VWF: variants seen among roughly 807,000 people sequenced by gnomAD.
VWF encodes Factor VIII related antigen.
Under a neutral mutation model 308.6 loss-of-function variants are expected in VWF, and 176 were observed. That is an observed-to-expected ratio of 0.57 (90% CI 0.50 to 0.65). The LOEUF (loss-of-function observed/expected upper bound fraction) is 0.65. VWF is among the 30% of genes least tolerant of loss of function. The pLI, the probability that VWF is intolerant of heterozygous loss-of-function variation, is 0.00. For missense variants in VWF, 3,146 were observed against 3,648.2 expected, an observed-to-expected ratio of 0.86 and a Z score of 3.55; for synonymous variants, 1,385 against 1,443.4, an observed-to-expected ratio of 0.96 and a Z score of 0.92.
rs61750615 is a variant in VWF at position 5,994,484 on chromosome 12, G to T, written c.6187C>A (p.Pro2063Thr). The change falls in exon 36 of 52, where the codon CCA becomes ACA. Residue 2063 changes from proline to threonine, a missense_variant. This residue lies in a region of VWF where 989 missense variants were observed against 1,117.4 expected (regional missense o/e 0.89). Coordinates refer to ENST00000261405, the MANE Select transcript of VWF (RefSeq NM_000552.5). ...TGCAGTTGGAACTCATTGTTTTGTG[G>T]AGTGAATGTGAAGATGTGACCAAGG... ...NHLGHIFTFT[P>T]QNNEFQLQLS... 6.2e-7 allele frequency: 1 copy of T among 1,614,026 alleles called. No individual in the cohort carries two copies. Among genetic ancestry groups the T allele is most frequent in the African/African-American group, 1.3e-5 (1 of 74,924 alleles).
In VWF at chr12:6,019,086, A is replaced by T; in HGVS notation, c.4332T>A (p.Asp1444Glu). Residue 1444 changes from aspartate (D) to glutamate (E), a missense_variant, in exon 28 of 52, where the codon GAT (aspartate) becomes GAA (glutamate). Physicochemically the swap from Asp to Glu is conservative, Grantham distance 45. Transcript: ENST00000261405. This position sits in a 1 kb window ranked among gnomAD's most constrained non-coding sequence, Gnocchi z 5.8. ...TCTCGTCCCTTTGCTGCTCCAGCTC[A>T]TCCACACTGCTCAGCACGAAGGCCT... ...ENKAFVLSSV[D>E]ELEQQRDEIV... The T allele has an allele frequency of 6.2e-7, 1 of 1,613,836 alleles. No individual in the cohort carries two copies. Among genetic ancestry groups the T allele is most frequent in the African/African-American group, 1.3e-5 (1 of 75,012 alleles).
Position 6,027,883 on chromosome 12 carries a change from C to CACACAA in VWF, c.2967+1458_2967+1459insTTGTGT, listed in dbSNP as rs71064184. ...ACACACACACACACACACACACACA[C>CACACAA]CCCTAAACAAAAAAACTTTTTTCCC... On this transcript the variant is annotated intron_variant, in intron 22 of 51. Transcript: ENST00000261405. Among the ~76,000 whole-genome samples the CACACAA allele has an allele frequency of 8.1e-5, 12 of 148,120 alleles. No individual in the cohort carries two copies. The South Asian group carries it at 2.6e-3, about 32-fold the overall frequency.
intron 34 of VWF, among the ~76,000 whole-genome samples, chr12:6,011,336 G>C (rs1045746927): frequency 6.6e-6 from 1 of 152,226 alleles, no homozygotes; most frequent in African/African-American, 2.4e-5. Flanking sequence ...CAGCCAAGCT[G>C]AGCATTGACC....
chr12:6,082,963 T>C (rs1944930067), intron 6 of VWF, among the ~76,000 whole-genome samples: 1 of 152,210 alleles, frequency 6.6e-6, no homozygotes, highest in Non-Finnish European at 1.5e-5. Flanking sequence ...GGTCATACAG[T>C]GGCTGTAGCT....
chr12:6,060,355 A>C lies in VWF; in HGVS notation c.1534-2311T>G, dbSNP rs1472198041. On this transcript the variant is annotated intron_variant, in intron 13 of 51. Coordinates refer to ENST00000261405, the MANE Select transcript of VWF (RefSeq NM_000552.5). The surrounding 1 kb of genome is among the most constrained non-coding windows in gnomAD (Gnocchi z 5.1). ...CCAGCCCCACGGGGACAAAGCGTAC[A>C]TAACACACCCAGGGGAAGGAGACCG... is the stretch of plus-strand genomic sequence containing the variant. Among the ~76,000 whole-genome samples the C allele has an allele frequency of 6.6e-6, 1 of 152,032 alleles. No individual in the cohort carries two copies. Among genetic ancestry groups the C allele is most frequent in the Non-Finnish European group, 1.5e-5 (1 of 67,996 alleles).
chr12:6,077,266 GA>G (rs1944854999), intron 6 of VWF, among the ~76,000 whole-genome samples: 1 of 152,214 alleles, frequency 6.6e-6, no homozygotes, highest in South Asian at 2.1e-4. Flanking sequence ...AGTGAGCTGA[GA>G]TTGTGCCACT....
chr12:6,027,897 A>T (rs1944214220), intron 22 of VWF, among the ~76,000 whole-genome samples: 1 of 151,182 alleles, frequency 6.6e-6, no homozygotes, highest in Admixed American at 6.6e-5. Flanking sequence ...TAAACAAAAA[A>T]ACTTTTTTCC....
chr12:5,964,837 A>C (rs1212604400), intron 47 of VWF, among the ~76,000 whole-genome samples: 1 of 152,194 alleles, frequency 6.6e-6, no homozygotes, highest in Non-Finnish European at 1.5e-5. Flanking sequence ...GCGAGAAGAA[A>C]GATTTGGAAG....
chr12:6,120,944 G>T (rs982766807), intron 3 of VWF, among the ~76,000 whole-genome samples: 1 of 152,188 alleles, frequency 6.6e-6, no homozygotes, highest in African/African-American at 2.4e-5. Context: ...GGACACAGTG[G>T]ACTACCAAAG....
intron 31 of VWF, among the ~76,000 whole-genome samples, chr12:6,014,484 G>T (rs540978864): frequency 6.6e-6 from 1 of 152,316 alleles, no homozygotes; most frequent in South Asian, 2.1e-4. Flanking sequence ...GACATGGTGT[G>T]GGGAGGTGTG....
chr12:6,043,323 C>T (rs917913531), intron 18 of VWF, among the ~76,000 whole-genome samples: 2 of 152,176 alleles, frequency 1.3e-5, no homozygotes, highest in Admixed American at 6.5e-5. Context: ...ATTCCCTCTA[C>T]AGAATATTGA....
chr12:5,993,077 C>A (rs1943763280), intron 37 of VWF, among the ~76,000 whole-genome samples: 1 of 152,162 alleles, frequency 6.6e-6, no homozygotes. Context: ...GACTAGGATG[C>A]CCAAGTCCTC....
intron 15 of VWF, among the ~76,000 whole-genome samples, chr12:6,056,341 T>C (rs1206622137): frequency 1.6e-5 from 2 of 121,712 alleles, no homozygotes; most frequent in South Asian, 2.5e-4. Flanking sequence ...AGTGAGAATC[T>C]AAAGCCAACT....
At position 6,046,598 on chromosome 12, in the gene VWF, A is replaced by G; in HGVS notation, c.2281+125T>C. The G allele has an allele frequency of 1.0e-6, 1 of 976,178 alleles. No homozygotes were observed. Among genetic ancestry groups the G allele is most frequent in the South Asian group, 1.3e-5 (1 of 74,384 alleles). The allele number at this position is 976,178 out of a possible 1,614,324, so 60.5% of individuals were successfully genotyped here. On this transcript the variant is annotated intron_variant, in intron 17 of 51. Transcript: ENST00000261405. This position sits in a 1 kb window ranked among gnomAD's most constrained non-coding sequence, Gnocchi z 5.0. ...CAGAAATGAAGGCGATCCTGGGCGA[A>G]GCCAGACCCATGCCTGGGTGCACAC...
At chr12:5,976,390 G>C in intron 42 of VWF, 130 bp from the exon 43 acceptor site, 1 of 1,191,578 alleles carries the variant, frequency 8.4e-7, no homozygotes, top group Non-Finnish European at 1.2e-6. Context: ...TGTGGTCTCC[G>C]CCCATATGCA....
intron 47 of VWF, among the ~76,000 whole-genome samples, chr12:5,962,996 TA>T (rs1407097931): frequency 2.6e-5 from 4 of 152,202 alleles, no homozygotes; most frequent in Non-Finnish European, 4.4e-5. Context: ...ATCATAGACC[TA>T]AAAGTAAAAC....
In VWF at chr12:6,065,887, G is replaced by T. The variant is rs1445492198; in HGVS notation, c.1157-614C>A. 2.0e-5 allele frequency among the ~76,000 whole-genome samples: 3 copies of T among 152,184 alleles called. No homozygotes were observed. The East Asian group carries it at 5.8e-4, about 29-fold the overall frequency. On this transcript the variant is annotated intron_variant, in intron 10 of 51. Coordinates refer to ENST00000261405, the MANE Select transcript of VWF (RefSeq NM_000552.5). ...GACTCCATCCTCCTCACCAGCAGAG[G>T]GGCAACTCTAAGGCCATTGCTTTCT...
intron 42 of VWF, among the ~76,000 whole-genome samples, chr12:5,978,042 T>C (rs1300947201): frequency 6.7e-6 from 1 of 149,492 alleles, no homozygotes; most frequent in Non-Finnish European, 1.5e-5. Context: ...TTTTAAAATT[T>C]AAAAGAAATA....
chr12:6,064,251 A>C lies in VWF; in HGVS notation c.1427T>G (p.Leu476Arg). Residue 476 changes from leucine (L) to arginine (R), a missense_variant, in exon 12 of 52, where the codon CTG becomes CGG. Leu to Arg is a moderately radical substitution (Grantham distance 102, BLOSUM62 -2). Around this residue, in one of 3 missense-constraint regions of VWF, gnomAD observed 1,304 missense variants for 1,353.0 expected, o/e 0.96. Transcript: ENST00000261405. ...TGGAGCAGGACGAAGCATACCTTTC[A>C]GGAGGGGGAGCTGGACGTCCTGGCC... ...MDGQDVQLPL[L>R]KGDLRIQHTV... 1 of 1,614,138 alleles carries C rather than the reference A, an allele frequency of 6.2e-7. No individual in the cohort carries two copies. The highest frequency in any genetic ancestry group is 8.5e-7 in the Non-Finnish European group (1 of 1,180,038).
Sources: allele counts gnomAD v4.1 joint callset (sites outside exome capture counted in the v4.1 genomes callset), GRCh38; gene constraint gnomAD v4.1.1; regional missense constraint gnomAD v4.1.1; non-coding constraint Gnocchi (gnomAD v3.1); transcripts MANE v1.5; gene names NCBI Gene and HGNC (gene_info 2026-07-23, HGNC 2026-07-21).